TTC12: variants seen among roughly 807,000 people sequenced by gnomAD.
TTC12 encodes the protein tetratricopeptide repeat protein 12.
In TTC12, 70 loss-of-function variants were observed where a neutral mutation model predicts 90.1. The observed-to-expected ratio is 0.78, with a 90% CI of 0.64 to 0.95. TTC12 has a LOEUF of 0.95. TTC12 is among the 40% of genes least tolerant of loss of function. The probability of loss-of-function intolerance (pLI) is 0.00; values close to 1 mark genes in which losing one functional copy is unlikely to be tolerated. For synonymous variants in TTC12, 296 were observed against 311.5 expected, an observed-to-expected ratio of 0.95 and a Z score of 0.53; for missense variants, 819 against 846.1, an observed-to-expected ratio of 0.97 and a Z score of 0.40.
At chr11:113,316,014 T>C in intron 1 of TTC12, 1 of 351,704 alleles carries the variant, frequency 2.8e-6, no homozygotes, top group Non-Finnish European at 5.1e-6. Context: ...TTTTCTGCAC[T>C]GGAAGGAGGG....
At chr11:113,349,439 C>G (rs923833914) in intron 13 of TTC12, among the ~76,000 whole-genome samples, 2 of 152,142 alleles carry the variant, frequency 1.3e-5, no homozygotes, top group Admixed American at 1.3e-4. Flanking sequence ...GTTTGGGCAG[C>G]CTGAGATTTC....
At chr11:113,341,747 G>A (rs1948699156) in intron 11 of TTC12, 90 bp from the exon 12 acceptor site, 1 of 970,508 alleles carries the variant, frequency 1.0e-6, no homozygotes, top group Non-Finnish European at 1.7e-6. Flanking sequence ...CCTGTATTTG[G>A]TGAATCTAGG....
intron 13 of TTC12, among the ~76,000 whole-genome samples, chr11:113,347,082 C>A (rs1213356433): frequency 6.6e-6 from 1 of 152,170 alleles, no homozygotes; most frequent in Non-Finnish European, 1.5e-5. Flanking sequence ...CTTATGTCTG[C>A]CAGGACAAAG....
downstream of TTC12, chr11:113,368,961 A>G (rs1375651344): frequency 6.2e-6 from 1 of 162,448 alleles, no homozygotes; most frequent in East Asian, 1.7e-4. Flanking sequence ...TAACTTGAAA[A>G]TAGAGGCTCT....
intron 20 of TTC12, 96 bp from the exon 21 acceptor site, chr11:113,364,739 G>A (rs948488716): frequency 1.1e-6 from 1 of 949,988 alleles, no homozygotes; most frequent in Non-Finnish European, 1.6e-6. Context: ...GAAGCTCGGT[G>A]TCCGCTGACA....
rs782753736 is a variant in TTC12, at chr11:113,344,446, C to G, written c.1154+6C>G. The G allele has an allele frequency of 1.2e-6, 2 of 1,609,588 alleles. No homozygotes were observed. The highest frequency in any genetic ancestry group is 1.7e-6 in the Non-Finnish European group (2 of 1,177,162). ...AACCACCTTGACCTGACCAGGTAAG[C>G]CTCTGCTGGCAGGATCTTCCTGGGA... On this transcript the variant is annotated splice_donor_region_variant and intron_variant, in intron 13 of 21. Transcript: ENST00000529221.
chr11:113,316,276 A>G lies in TTC12; in HGVS notation c.19A>G (p.Lys7Glu). 1 of 1,473,184 alleles carries G rather than the reference A, an allele frequency of 6.8e-7. No individual in the cohort carries two copies. Among genetic ancestry groups the G allele is most frequent in the Non-Finnish European group, 9.0e-7 (1 of 1,110,230 alleles). The allele number at this position is 1,473,184 out of a possible 1,614,324, so 91.3% of individuals were successfully genotyped here. A position where few individuals can be genotyped will look rare whatever the true frequency, so the allele number is the denominator to read the frequency against. The change falls in exon 2 of 22, where the codon AAA becomes GAA. Residue 7 changes from lysine to glutamate, a missense_variant. Lys to Glu is a moderately conservative substitution (Grantham distance 56). Transcript: ENST00000529221. Reference sequence around the variant, plus strand: ...GTTCACAATGGATGCTGATAAAGAGAAAGATTTGCAGAAATTTCTTAAAAA... The same window carrying G: ...GTTCACAATGGATGCTGATAAAGAGGAAGATTTGCAGAAATTTCTTAAAAA... MDADKE[K>E]DLQKFLKNVD... is the part of the protein sequence containing the mutation.
intron 16 of TTC12, among the ~76,000 whole-genome samples, chr11:113,352,685 C>G (rs1949377830): frequency 6.6e-6 from 1 of 152,102 alleles, no homozygotes; most frequent in Non-Finnish European, 1.5e-5. Context: ...CTCCCACTTA[C>G]AAGGAAGAAC....
chr11:113,316,880 C>T (rs1946973554), intron 2 of TTC12, among the ~76,000 whole-genome samples: 1 of 152,186 alleles, frequency 6.6e-6, no homozygotes, highest in African/African-American at 2.4e-5. Context: ...CAGGAATTTC[C>T]AAACCTGTCA....
chr11:113,321,283 T>A (rs1384458057), intron 2 of TTC12, among the ~76,000 whole-genome samples: 1 of 152,206 alleles, frequency 6.6e-6, no homozygotes, highest in Non-Finnish European at 1.5e-5. Flanking sequence ...CTTCCTCTTG[T>A]ACTCTTTTGT....
At chr11:113,350,933 A>T (rs973747910) in intron 14 of TTC12, among the ~76,000 whole-genome samples, 1 of 152,164 alleles carries the variant, frequency 6.6e-6, no homozygotes, top group African/African-American at 2.4e-5. Context: ...CACGCTGTAG[A>T]CTCAGAGCAG....
rs139598938 is a variant in TTC12, at chr11:113,330,499, A to G, written c.504+520A>G. Among the ~76,000 whole-genome samples the G allele has an allele frequency of 3.7e-3, 560 of 152,364 alleles. 2 individuals carry two copies. The highest frequency in any genetic ancestry group is 0.011 in the African/African-American group (449 of 41,590). ...CATGGCATTTCCTCTGAAATCTGCC[A>G]AAATAGATGGTCAAGGATGCATAGA... On this transcript the variant is annotated intron_variant, in intron 7 of 21. Transcript: ENST00000529221.
chr11:113,368,862 A>G (rs763494703), downstream of TTC12: 6 of 257,244 alleles, frequency 2.3e-5, no homozygotes, highest in Admixed American at 9.7e-5. Flanking sequence ...AAAAACTGCA[A>G]TTTCTTTTGC....
At chr11:113,349,548 A>T (rs1427776077) in intron 13 of TTC12, among the ~76,000 whole-genome samples, 1 of 152,166 alleles carries the variant, frequency 6.6e-6, no homozygotes, top group Non-Finnish European at 1.5e-5. Context: ...CCAGTTATAA[A>T]CCAGGTCTCA....
At chr11:113,325,467 C>T in intron 5 of TTC12, 57 bp from the exon 6 acceptor site, 1 of 1,596,714 alleles carries the variant, frequency 6.3e-7, no homozygotes, top group Non-Finnish European at 8.5e-7. Flanking sequence ...GGAATAAAGT[C>T]TGAGAGATTT....
intron 13 of TTC12, 92 bp from the exon 14 acceptor site, chr11:113,349,981 G>C (rs1591596082): frequency 1.0e-6 from 1 of 997,858 alleles, no homozygotes. Flanking sequence ...CCCGGATGCT[G>C]ACTCCTTTTT....
chr11:113,366,488 A>T, downstream of TTC12: 1 of 973,660 alleles, frequency 1.0e-6, no homozygotes, highest in Non-Finnish European at 1.5e-6. Context: ...GGCTCTGTGC[A>T]CTGGCTTACT....
At chr11:113,367,851 T>TGTAGAGA (rs55708748), downstream of TTC12, among the ~76,000 whole-genome samples, 69,338 of 151,522 alleles carry the variant, frequency 0.46, 16,642 homozygotes, top group Non-Finnish European at 0.53. Flanking sequence ...GACAGGCCAC[T>TGTAGAGA]AGCCAGGACC....
intron 5 of TTC12, 47 bp downstream of exon 5, chr11:113,324,729 G>GCAC: frequency 2.0e-6 from 3 of 1,533,674 alleles, no homozygotes; most frequent in Non-Finnish European, 2.7e-6. Flanking sequence ...ATTTGTGCTA[G>GCAC]AAAGAGCACA....
Sources: gnomAD v4.1 joint callset for allele counts (sites outside exome capture counted in the v4.1 genomes callset) on GRCh38, gnomAD v4.1.1 for gene constraint, MANE v1.5 for transcripts, NCBI Gene and HGNC (gene_info 2026-07-23, HGNC 2026-07-21) for gene names.